LRRC20: variants seen among roughly 807,000 people sequenced by gnomAD.
LRRC20 encodes the protein leucine rich repeat containing 20.
LRRC20 carries 11 observed loss-of-function variants against 14.4 expected under a neutral mutation model. The ratio of observed to expected loss-of-function variants is 0.77; its 90% CI spans 0.48 to 1.27. LRRC20 has a LOEUF of 1.27. LRRC20 is among the 50% of genes most tolerant of loss of function. The pLI is 0.00. For missense variants in LRRC20, 219 were observed against 251.2 expected, an observed-to-expected ratio of 0.87 and a Z score of 0.87; for synonymous variants, 121 against 107.3, an observed-to-expected ratio of 1.13 and a Z score of -0.79.
At chr10:70,311,223 T>A (rs1841648134) in intron 4 of LRRC20, among the ~76,000 whole-genome samples, 1 of 37,996 alleles carries the variant, frequency 2.6e-5, no homozygotes, top group Non-Finnish European at 5.2e-5. Flanking sequence ...CAACATTCCA[T>A]TTTTTTTTTT....
chr10:70,315,677 A>G (rs1276933096), intron 4 of LRRC20, among the ~76,000 whole-genome samples: 2 of 152,208 alleles, frequency 1.3e-5, no homozygotes, highest in Non-Finnish European at 2.9e-5. Flanking sequence ...ACAGAGGATC[A>G]GGGTCAGCAT....
intron 4 of LRRC20, among the ~76,000 whole-genome samples, chr10:70,322,039 C>T (rs1842100720): frequency 6.6e-6 from 1 of 152,258 alleles, no homozygotes; most frequent in Admixed American, 6.5e-5. Context: ...ACCAGGAGAT[C>T]TGGGCCACCC....
intron 4 of LRRC20, among the ~76,000 whole-genome samples, chr10:70,308,047 G>A (rs1433133711): frequency 3.9e-5 from 6 of 152,202 alleles, no homozygotes; most frequent in South Asian, 2.1e-4. Flanking sequence ...CCCAGATGTC[G>A]GCTCACATAG....
intron 2 of LRRC20, among the ~76,000 whole-genome samples, chr10:70,362,043 C>G (rs2137107997): frequency 1.3e-5 from 2 of 152,198 alleles, no homozygotes; most frequent in Admixed American, 1.3e-4. Context: ...AAAAATTTAG[C>G]CAATAGTGAT....
At chr10:70,341,711 T>C (rs998877195) in intron 2 of LRRC20, among the ~76,000 whole-genome samples, 1 of 152,112 alleles carries the variant, frequency 6.6e-6, no homozygotes, top group African/African-American at 2.4e-5. Context: ...GGAGTTACAG[T>C]GGGCCCAGGT....
Position 70,325,139 on chromosome 10 carries a change from GTTC to G in LRRC20, c.233-1112_233-1110del, listed in dbSNP as rs550174376. 4.6e-5 allele frequency among the ~76,000 whole-genome samples: 7 copies of G among 152,288 alleles called. No homozygotes were observed. The South Asian group carries it at 6.2e-4, about 14-fold the overall frequency. The stretch of plus-strand genomic sequence containing the variant: ...TGAGTAACCTGAAGAATGTCCCCCA[GTTC>G]TTCTCCCAGGGCTGGCTTTGTGGGC... On this transcript the variant is annotated intron_variant, in intron 3 of 4. Coordinates refer to ENST00000446961, the MANE Select transcript of LRRC20 (RefSeq NM_001278212.2).
chr10:70,312,550 C>T (rs1463239073), intron 4 of LRRC20, among the ~76,000 whole-genome samples: 1 of 152,204 alleles, frequency 6.6e-6, no homozygotes, highest in East Asian at 1.9e-4. Context: ...GAGCACACTG[C>T]ACAGCCTTGA....
intron 2 of LRRC20, among the ~76,000 whole-genome samples, chr10:70,358,628 A>G (rs1281383615): frequency 6.6e-6 from 1 of 152,170 alleles, no homozygotes; most frequent in African/African-American, 2.4e-5. Flanking sequence ...GGCTGGCCTC[A>G]ACCACCTGCC....
intron 3 of LRRC20, among the ~76,000 whole-genome samples, chr10:70,331,804 T>C (rs1406926829): frequency 6.6e-6 from 1 of 152,168 alleles, no homozygotes; most frequent in African/African-American, 2.4e-5. Context: ...ATTTCCTTAT[T>C]GATTAAACCT....
chr10:70,361,829 G>A (rs1386939402), intron 2 of LRRC20, among the ~76,000 whole-genome samples: 1 of 152,076 alleles, frequency 6.6e-6, no homozygotes, highest in Non-Finnish European at 1.5e-5. Flanking sequence ...ACTGGAGCAC[G>A]ACAAAAATAA....
At chr10:70,370,941 G>A (rs1452763891) in intron 2 of LRRC20, among the ~76,000 whole-genome samples, 4 of 151,800 alleles carry the variant, frequency 2.6e-5, no homozygotes, top group Middle Eastern at 3.4e-3. Flanking sequence ...GATCACTTGA[G>A]CCCAGGAATT....
intron 3 of LRRC20, among the ~76,000 whole-genome samples, chr10:70,335,914 T>C (rs1842713440): frequency 6.6e-6 from 1 of 152,214 alleles, no homozygotes; most frequent in Admixed American, 6.5e-5. Context: ...CCCTAATTAC[T>C]GAAAGCAAAA....
chr10:70,368,007 G>GTTATGTTATGTTATGTTATGCTATGCTAT (rs1262121989), intron 2 of LRRC20, among the ~76,000 whole-genome samples: 1 of 150,022 alleles, frequency 6.7e-6, no homozygotes, highest in African/African-American at 2.5e-5. Flanking sequence ...TTTTTGAGAT[G>GTTATGTTATGTTATGTTATGCTATGCTAT]GAGTCTCGCT....
At chr10:70,320,094 C>T (rs536243033) in intron 4 of LRRC20, among the ~76,000 whole-genome samples, 8 of 152,202 alleles carry the variant, frequency 5.3e-5, no homozygotes, top group South Asian at 4.1e-4. Flanking sequence ...ACTGAGAGCA[C>T]GGGCCATGCG....
intron 3 of LRRC20, among the ~76,000 whole-genome samples, chr10:70,332,198 CA>C (rs1426619537): frequency 6.6e-6 from 1 of 152,232 alleles, no homozygotes; most frequent in Non-Finnish European, 1.5e-5. Flanking sequence ...GGAGGCTTCA[CA>C]CAGAGACAGC....
intron 2 of LRRC20, among the ~76,000 whole-genome samples, chr10:70,341,786 A>T (rs1191097823): frequency 6.6e-6 from 1 of 152,196 alleles, no homozygotes; most frequent in African/African-American, 2.4e-5. Context: ...AAAAATTTTT[A>T]AAAAAGAAAT....
At chr10:70,317,110 G>A (rs1000428531) in intron 4 of LRRC20, among the ~76,000 whole-genome samples, 5 of 152,246 alleles carry the variant, frequency 3.3e-5, no homozygotes, top group Non-Finnish European at 7.3e-5. Context: ...AGATCCAGGG[G>A]CAGGAGAGAA....
At chr10:70,347,906 A>G (rs2137047433) in intron 2 of LRRC20, among the ~76,000 whole-genome samples, 1 of 151,800 alleles carries the variant, frequency 6.6e-6, no homozygotes, top group South Asian at 2.1e-4. Flanking sequence ...CAACTGACAC[A>G]CCGCAAGGCC....
intron 4 of LRRC20, among the ~76,000 whole-genome samples, chr10:70,310,537 C>T (rs1240742784): frequency 2.0e-5 from 3 of 152,234 alleles, no homozygotes; most frequent in Non-Finnish European, 4.4e-5. Flanking sequence ...TTTCTTTATA[C>T]ACACTCGTAT....
Sources: allele counts gnomAD v4.1 joint callset (sites outside exome capture counted in the v4.1 genomes callset), GRCh38; gene constraint gnomAD v4.1.1; transcripts MANE v1.5; gene names NCBI Gene and HGNC (gene_info 2026-07-23, HGNC 2026-07-21).